Variants in NCKAP5 observed in about 807,000 individuals in gnomAD.
NCKAP5 encodes nck-associated protein 5.
In NCKAP5, 92 loss-of-function variants were observed where a neutral mutation model predicts 167.0. The observed-to-expected ratio is 0.55, with a 90% CI of 0.47 to 0.66. NCKAP5 has a LOEUF of 0.66. NCKAP5 is among the 30% of genes least tolerant of loss of function. NCKAP5 has a pLI of 0.00. For missense variants in NCKAP5, 2,378 were observed against 2,315.0 expected (o/e 1.03, Z -0.56); for synonymous variants, 891 against 877.4 (o/e 1.02, Z -0.27).
At chr2:133,471,628 A>T (rs1679327584) in intron 3 of NCKAP5, among the ~76,000 whole-genome samples, 1 of 152,130 alleles carries the variant, frequency 6.6e-6, no homozygotes, top group African/African-American at 2.4e-5. Context: ...TCTCCTGATA[A>T]TTGCTTTCCA....
At chr2:132,706,326 C>T (rs1174932185) in intron 19 of NCKAP5, among the ~76,000 whole-genome samples, 1 of 152,170 alleles carries the variant, frequency 6.6e-6, no homozygotes, top group African/African-American at 2.4e-5. Context: ...ACTCACTGCT[C>T]TGGGCCACCA....
At chr2:133,560,739 G>T (rs1688097235) in intron 1 of NCKAP5, among the ~76,000 whole-genome samples, 1 of 152,182 alleles carries the variant, frequency 6.6e-6, no homozygotes, top group African/African-American at 2.4e-5. Context: ...GCTTCTCTTT[G>T]CTGTGTCCAA....
At chr2:133,612,958 C>A in the NCKAP5 span, among the ~76,000 whole-genome samples, 53 of 152,178 alleles carry the variant, frequency 3.5e-4, no homozygotes, top group Non-Finnish European at 5.7e-4. Context: ...AAAGAATAGA[C>A]TTCCAGGAAG....
chr2:132,897,849 G>T (rs1323543132), intron 8 of NCKAP5, among the ~76,000 whole-genome samples: 1 of 152,186 alleles, frequency 6.6e-6, no homozygotes, highest in Admixed American at 6.5e-5. Context: ...ACGATTATCT[G>T]AGCCTTCAGC....
intron 2 of NCKAP5, among the ~76,000 whole-genome samples, chr2:133,544,101 T>C (rs1162259151): frequency 6.6e-6 from 1 of 152,242 alleles, no homozygotes; most frequent in African/African-American, 2.4e-5. Context: ...CGTTGATTTG[T>C]ATCTTGAATT....
the NCKAP5 span, among the ~76,000 whole-genome samples, chr2:133,648,748 C>T: frequency 6.6e-6 from 1 of 150,464 alleles, no homozygotes; most frequent in African/African-American, 2.4e-5. Context: ...GCAGCAAAAG[C>T]AATACTAAAA....
the NCKAP5 span, among the ~76,000 whole-genome samples, chr2:133,585,168 G>A: frequency 1.3e-5 from 2 of 151,798 alleles, no homozygotes; most frequent in African/African-American, 2.4e-5. Flanking sequence ...ATAAAATGAG[G>A]GCAAAATAAT....
rs375978302 is a variant in NCKAP5, at chr2:133,171,128, G to A, written c.208-41017C>T. ...GCAGGTCAGTAGAGAGATAAAGGGA[G>A]CATTTTGAGGCAGGGTGCTTTTGAA... On this transcript the variant is annotated intron_variant, in intron 5 of 19. Transcript: ENST00000409261. Among the ~76,000 whole-genome samples the A allele has an allele frequency of 5.9e-5, 9 of 152,310 alleles. No individual in the cohort carries two copies. In the East Asian group the frequency reaches 1.7e-3, roughly 29 times the overall value.
intron 19 of NCKAP5, among the ~76,000 whole-genome samples, chr2:132,722,416 T>C (rs536523108): frequency 6.6e-6 from 1 of 152,168 alleles, no homozygotes; most frequent in Non-Finnish European, 1.5e-5. Context: ...TTGACATACC[T>C]TCCTCACTTG....
chr2:132,854,029 C>G (rs1689275973), intron 11 of NCKAP5, among the ~76,000 whole-genome samples: 1 of 152,294 alleles, frequency 6.6e-6, no homozygotes, highest in Admixed American at 6.5e-5. Context: ...CCTGGTTTCA[C>G]GTAATCCTTA....
chr2:133,146,842 A>T (rs1021630796), intron 5 of NCKAP5, among the ~76,000 whole-genome samples: 1 of 152,130 alleles, frequency 6.6e-6, no homozygotes, highest in African/African-American at 2.4e-5. Flanking sequence ...ATACACCTTA[A>T]ACAAGCTAAG....
upstream of NCKAP5, among the ~76,000 whole-genome samples, chr2:133,572,108 A>G (rs1688888930): frequency 6.6e-6 from 1 of 152,222 alleles, no homozygotes; most frequent in African/African-American, 2.4e-5. Flanking sequence ...GTGATTACAC[A>G]AAGAGTCAGT....
intron 6 of NCKAP5, among the ~76,000 whole-genome samples, chr2:133,095,267 G>T (rs1005826638): frequency 6.6e-6 from 1 of 152,118 alleles, no homozygotes; most frequent in South Asian, 2.1e-4. Flanking sequence ...TCATTCCTTT[G>T]AACTGTTCCA....
At chr2:133,479,303 A>G (rs1397095694) in intron 3 of NCKAP5, among the ~76,000 whole-genome samples, 1 of 152,266 alleles carries the variant, frequency 6.6e-6, no homozygotes, top group Non-Finnish European at 1.5e-5. Context: ...TTACTTTAAC[A>G]TAATCCTTAT....
intron 11 of NCKAP5, among the ~76,000 whole-genome samples, chr2:132,844,367 A>G (rs1043877033): frequency 1.3e-5 from 2 of 152,134 alleles, no homozygotes; most frequent in African/African-American, 4.8e-5. Flanking sequence ...ATAAACTCTT[A>G]CTTGGCCACC....
intron 3 of NCKAP5, among the ~76,000 whole-genome samples, chr2:133,364,150 A>G (rs1158034255): frequency 6.6e-6 from 1 of 152,176 alleles, no homozygotes; most frequent in African/African-American, 2.4e-5. Flanking sequence ...AGGAAAACTA[A>G]CAGACTTCCC....
chr2:132,911,841 C>T (rs898700783), intron 8 of NCKAP5, among the ~76,000 whole-genome samples: 3 of 152,296 alleles, frequency 2.0e-5, no homozygotes, highest in South Asian at 2.1e-4. Context: ...ATCTGCTGAA[C>T]TCCCCCATGG....
intron 2 of NCKAP5, among the ~76,000 whole-genome samples, chr2:133,554,838 AG>A (rs1687624436): frequency 6.6e-6 from 1 of 152,132 alleles, no homozygotes; most frequent in East Asian, 1.9e-4. Flanking sequence ...TTCCAAGGCA[AG>A]GGGGGAAACT....
intron 3 of NCKAP5, among the ~76,000 whole-genome samples, chr2:133,393,374 A>G (rs894724409): frequency 3.3e-5 from 5 of 152,164 alleles, no homozygotes; most frequent in African/African-American, 1.2e-4. Context: ...TTATATATGC[A>G]CATTATTTCA....
Sources: allele counts gnomAD v4.1 joint callset (sites outside exome capture counted in the v4.1 genomes callset), GRCh38; gene constraint gnomAD v4.1.1; transcripts MANE v1.5; gene names NCBI Gene and HGNC (gene_info 2026-07-23, HGNC 2026-07-21).